The following CHODL variants were observed in gnomAD, a reference collection of about 807,000 sequenced individuals.
The protein encoded by CHODL is transmembrane protein MT75.
In CHODL, 29 loss-of-function variants were observed where a neutral mutation model predicts 34.5. The ratio of observed to expected loss-of-function variants is 0.84; its 90% confidence interval spans 0.63 to 1.15. The LOEUF (loss-of-function observed/expected upper bound fraction) is 1.15, where lower values mean the gene tolerates loss of function less well. Ranked by LOEUF, CHODL falls within the 50% of genes most tolerant of loss-of-function variation. The pLI, the probability that CHODL is intolerant of heterozygous loss-of-function variation, is 0.00. For synonymous variants in CHODL, 125 were observed against 116.1 expected (o/e 1.08, Z -0.49); for missense variants, 332 against 332.5 (o/e 1.00, Z 0.01).
At chr21:18,205,077 T>C (rs1191344053) in intron 2 of CHODL, among the ~76,000 whole-genome samples, 1 of 152,214 alleles carries the variant, frequency 6.6e-6, no homozygotes, top group Admixed American at 6.5e-5. Context: ...TAGGATGCCC[T>C]TTCTTTCTCT....
At chr21:17,919,526 C>T (rs2063167735) in intron 1 of CHODL, among the ~76,000 whole-genome samples, 1 of 152,168 alleles carries the variant, frequency 6.6e-6, no homozygotes, top group Non-Finnish European at 1.5e-5. Flanking sequence ...CTAAACTGTA[C>T]ACAGCAGAGG....
intron 2 of CHODL, among the ~76,000 whole-genome samples, chr21:18,199,754 T>C (rs1025982364): frequency 1.3e-5 from 2 of 152,148 alleles, no homozygotes; most frequent in Admixed American, 1.3e-4. Flanking sequence ...CCGTTTAAGT[T>C]TCTCCTACAT....
In CHODL at chr21:18,245,170, T is replaced by C. The variant is rs1230533395; in HGVS notation, c.-54T>C. The stretch of plus-strand genomic sequence containing the variant: ...AGAGTCAGAGTCGCGGGCTGCGCCC[T>C]GGGCAGAGGCCGCCCTCGCTCCACG... On this transcript the variant is annotated 5_prime_UTR_variant, in exon 1 of 6. Transcript: ENST00000299295. 3 of 777,362 alleles carry C rather than the reference T, an allele frequency of 3.9e-6. No homozygotes were observed. Among genetic ancestry groups the C allele is most frequent in the Non-Finnish European group, 5.7e-6 (3 of 528,618 alleles). The allele number at this position is 777,362 out of a possible 1,614,324, so 48.2% of individuals were successfully genotyped here.
At chr21:18,263,602 T>TA (rs1313785144) in intron 5 of CHODL, among the ~76,000 whole-genome samples, 1 of 151,882 alleles carries the variant, frequency 6.6e-6, no homozygotes, top group Non-Finnish European at 1.5e-5. Flanking sequence ...CATTGTCAAA[T>TA]AAAAAATGAA....
At chr21:18,115,868 T>A (rs1318748237) in intron 2 of CHODL, among the ~76,000 whole-genome samples, 2 of 152,206 alleles carry the variant, frequency 1.3e-5, no homozygotes, top group Non-Finnish European at 2.9e-5. Context: ...GTGTCTTTTT[T>A]CCCACTCTGC....
intron 2 of CHODL, among the ~76,000 whole-genome samples, chr21:18,086,068 G>C (rs1359089210): frequency 4.5e-5 from 1 of 22,132 alleles, no homozygotes; most frequent in African/African-American, 1.5e-4. Context: ...TTTTTTTTTT[G>C]CCTGCTTGGA....
At chr21:18,216,861 C>A (rs2073834617) in intron 2 of CHODL, among the ~76,000 whole-genome samples, 2 of 152,124 alleles carry the variant, frequency 1.3e-5, no homozygotes, top group African/African-American at 4.8e-5. Context: ...ATCATAAGAA[C>A]AGCATGGGGG....
intron 2 of CHODL, among the ~76,000 whole-genome samples, chr21:18,077,743 C>T (rs1281630171): frequency 6.6e-6 from 1 of 152,172 alleles, no homozygotes; most frequent in African/African-American, 2.4e-5. Context: ...TCTGCCAACA[C>T]CTTGATCTTG....
At chr21:17,982,247 T>C (rs2063719702) in intron 1 of CHODL, among the ~76,000 whole-genome samples, 1 of 152,216 alleles carries the variant, frequency 6.6e-6, no homozygotes, top group Non-Finnish European at 1.5e-5. Context: ...TACCTTTCAA[T>C]TGTTTTGTGA....
In CHODL at chr21:18,256,679, T is replaced by C. The variant is rs377519818; in HGVS notation, c.250T>C (p.Leu84=). ...AGAACAGAAGTTAATAGAGAGCATG[T>C]TGCAAAACCTGACAAAACCCGGGAC... ...EAEQKLIESM[L]QNLTKPGTGI... is the part of the protein sequence containing the mutation. The change falls in exon 2 of 6, where the codon TTG becomes CTG. Residue 84 remains leucine, a synonymous_variant. Transcript: ENST00000299295. The C allele has an allele frequency of 1.6e-5, 26 of 1,614,108 alleles. No individual in the cohort carries two copies. The highest frequency in any genetic ancestry group is 2.1e-5 in the Non-Finnish European group (25 of 1,179,998).
chr21:18,118,992 T>C (rs1004149027), intron 2 of CHODL, among the ~76,000 whole-genome samples: 2 of 152,188 alleles, frequency 1.3e-5, no homozygotes, highest in Non-Finnish European at 2.9e-5. Context: ...CAGTTTTAAC[T>C]CATAAATCTC....
intron 2 of CHODL, among the ~76,000 whole-genome samples, chr21:18,040,705 C>A (rs1482510715): frequency 6.6e-6 from 1 of 151,838 alleles, no homozygotes; most frequent in Non-Finnish European, 1.5e-5. Flanking sequence ...AATCAAATTT[C>A]ATACCATTTT....
intron 2 of CHODL, among the ~76,000 whole-genome samples, chr21:18,110,460 C>T (rs1362974474): frequency 6.6e-6 from 1 of 152,088 alleles, no homozygotes; most frequent in Non-Finnish European, 1.5e-5. Context: ...GCCTTTGCCT[C>T]TTGGAATGCT....
At chr21:17,938,769 C>T (rs550073680) in intron 1 of CHODL, among the ~76,000 whole-genome samples, 240 of 152,128 alleles carry the variant, frequency 1.6e-3, no homozygotes, top group Admixed American at 2.8e-3. Context: ...TGAGCCACGG[C>T]GCCCGGCCGA....
intron 1 of CHODL, among the ~76,000 whole-genome samples, chr21:18,019,944 C>A (rs1281602544): frequency 6.6e-6 from 1 of 152,088 alleles, no homozygotes; most frequent in Non-Finnish European, 1.5e-5. Context: ...TACCCACATT[C>A]TATTGACCAA....
intron 2 of CHODL, among the ~76,000 whole-genome samples, chr21:18,059,173 C>CCT (rs1291941644): frequency 6.6e-6 from 1 of 151,642 alleles, no homozygotes; most frequent in Non-Finnish European, 1.5e-5. Flanking sequence ...GAAAGCTGTC[C>CCT]CTCTCTCTCT....
intron 2 of CHODL, among the ~76,000 whole-genome samples, chr21:18,167,230 T>TGG (rs2073167926): frequency 1.6e-5 from 2 of 122,734 alleles, no homozygotes. Flanking sequence ...TGTGTGTGTG[T>TGG]GTGTGTGTGT....
intron 2 of CHODL, among the ~76,000 whole-genome samples, chr21:18,133,930 T>A (rs578063733): frequency 6.6e-6 from 1 of 152,312 alleles, no homozygotes; most frequent in Admixed American, 6.5e-5. Context: ...GTTCAAAATC[T>A]CAGATATTTC....
At chr21:18,191,859 G>A (rs908820114) in intron 2 of CHODL, among the ~76,000 whole-genome samples, 6 of 152,118 alleles carry the variant, frequency 3.9e-5, no homozygotes, top group Non-Finnish European at 8.8e-5. Context: ...TTTGTGCTAC[G>A]TTAGTAAGTT....
Sources: allele counts gnomAD v4.1 joint callset (sites outside exome capture counted in the v4.1 genomes callset), GRCh38; gene constraint gnomAD v4.1.1; transcripts MANE v1.5; gene names NCBI Gene and HGNC (gene_info 2026-07-23, HGNC 2026-07-21).